Variants in SPEN observed in about 807,000 individuals in gnomAD.
SPEN encodes msx2-interacting protein.
In SPEN, 18 loss-of-function variants were observed where a neutral mutation model predicts 269.9. The ratio of observed to expected loss-of-function variants is 0.07; its 90% confidence interval spans 0.05 to 0.10. SPEN has a LOEUF of 0.10. SPEN is among the 10% of genes least tolerant of loss of function. The probability of loss-of-function intolerance (pLI) is 1.00; values close to 1 mark genes in which losing one functional copy is unlikely to be tolerated. For missense variants in SPEN, 3,822 were observed against 4,631.2 expected, an observed-to-expected ratio of 0.83 and a Z score of 5.07; for synonymous variants, 1,726 against 1,765.7, an observed-to-expected ratio of 0.98 and a Z score of 0.56.
intron 3 of SPEN, among the ~76,000 whole-genome samples, chr1:15,889,753 G>A (rs2070771805): frequency 6.6e-6 from 1 of 151,392 alleles, no homozygotes; most frequent in Non-Finnish European, 1.5e-5. Flanking sequence ...TCACTCTGTT[G>A]CCCAGGCTGA....
intron 1 of SPEN, among the ~76,000 whole-genome samples, chr1:15,872,163 G>A (rs2070583504): frequency 6.7e-6 from 1 of 150,084 alleles, no homozygotes; most frequent in Non-Finnish European, 1.5e-5. Context: ...ACTTGAACCT[G>A]GGAGTTGGAG....
In SPEN at chr1:15,933,584, C is replaced by T; in HGVS notation, c.7344C>T (p.Phe2448=). The change falls in exon 11 of 15, where the codon TTC becomes TTT. Residue 2448 remains phenylalanine, a synonymous_variant. Coordinates refer to ENST00000375759, the MANE Select transcript of SPEN (RefSeq NM_015001.3). This position sits in a 1 kb window ranked among gnomAD's most constrained non-coding sequence, Gnocchi z 5.7. ...APVDEEPQAR[F]RVHSIIESDP... is the part of the protein sequence containing the mutation. Reference sequence around the variant, plus strand: ...TGGATGAGGAGCCTCAAGCCAGGTTCAGGGTGCATTCCATCATTGAAAGTG... The same window carrying T: ...TGGATGAGGAGCCTCAAGCCAGGTTTAGGGTGCATTCCATCATTGAAAGTG... The T allele has an allele frequency of 1.2e-6, 2 of 1,614,050 alleles. No individual in the cohort carries two copies. The highest frequency in any genetic ancestry group is 2.2e-5 in the South Asian group (2 of 91,078).
chr1:15,925,022 GAA>G (rs1205464859), intron 10 of SPEN, among the ~76,000 whole-genome samples: 1 of 151,784 alleles, frequency 6.6e-6, no homozygotes, highest in Non-Finnish European at 1.5e-5. Flanking sequence ...ATGCATGAAT[GAA>G]AAAAAATGCT....
At chr1:15,879,030 GAAAAGAAAA>G (rs1431073386) in intron 3 of SPEN, among the ~76,000 whole-genome samples, 14 of 142,222 alleles carry the variant, frequency 9.8e-5, no homozygotes, top group African/African-American at 3.4e-4. Context: ...AAAAAGAAAA[GAAAAGAAAA>G]AAAAGAAAAA....
chr1:15,873,866 A>G, intron 2 of SPEN: 5 of 1,082,668 alleles, frequency 4.6e-6, no homozygotes, highest in Non-Finnish European at 5.6e-6. Context: ...TGCTGTCAAG[A>G]TTCCACTAGC....
At chr1:15,904,452 CAAAAAAA>C (rs1215369183) in intron 3 of SPEN, among the ~76,000 whole-genome samples, 11,519 of 48,742 alleles carry the variant, frequency 0.24, 957 homozygotes, top group African/African-American at 0.33. Flanking sequence ...AACTCCATCT[CAAAAAAA>C]AAAAAAAAAA....
At position 15,927,212 on chromosome 1, in the gene SPEN, G is replaced by A. The variant is rs75739724; in HGVS notation, c.1851-879G>A. Among the ~76,000 whole-genome samples, 88 of 152,288 alleles carry A rather than the reference G, an allele frequency of 5.8e-4. 1 individual carries two copies. In the East Asian group the frequency reaches 0.017, roughly 29 times the overall value. ...AGGTCCCTGTGGGAGAAAACCTGTG[G>A]TGAGTTCCTTAAAACTGGAGGAGTT... On this transcript the variant is annotated intron_variant, in intron 10 of 14. Transcript: ENST00000375759.
Position 15,920,928 on chromosome 1 carries a change from C to T in SPEN, c.1694C>T (p.Ala565Val), listed in dbSNP as rs1157570058. The T allele has an allele frequency of 6.2e-7, 1 of 1,612,870 alleles. No homozygotes were observed. The highest frequency in any genetic ancestry group is 8.5e-7 in the Non-Finnish European group (1 of 1,179,554). The change falls in exon 9 of 15, where the codon GCA (alanine) becomes GTA (valine). Residue 565 changes from alanine to valine, a missense_variant. Coordinates refer to ENST00000375759, the MANE Select transcript of SPEN (RefSeq NM_015001.3). ...ALVLYNEIEY[A>V]QAAVKETKGR... is the part of the protein sequence containing the mutation. ...GTTCTCTACAATGAAATTGAATATG[C>T]ACAAGCAGCTGTAAAAGAGACCAAA... is the stretch of plus-strand genomic sequence containing the variant.
chr1:15,935,838 C>T lies in SPEN; in HGVS notation c.9598C>T (p.His3200Tyr), dbSNP rs1397608934. The stretch of plus-strand genomic sequence containing the variant: ...GCCACGGGATGTGAGGATCATGGTG[C>T]ATCCACATGTGACGGCAGTCAGCGA... ...TVPRDVRIMV[H>Y]PHVTAVSEQP... Residue 3200 changes from histidine (H) to tyrosine (Y), a missense_variant, in exon 11 of 15, where the codon CAT becomes TAT. By Grantham distance (83) the His-to-Tyr change is moderately conservative. Coordinates refer to ENST00000375759, the MANE Select transcript of SPEN (RefSeq NM_015001.3). The surrounding 1 kb of genome is among the most constrained non-coding windows in gnomAD (Gnocchi z 7.7). 1 of 1,613,860 alleles carries T rather than the reference C, an allele frequency of 6.2e-7. No homozygotes were observed.
At chr1:15,851,172 A>C (rs74054873) in intron 1 of SPEN, among the ~76,000 whole-genome samples, 1,748 of 152,222 alleles carry the variant, frequency 0.011, 27 homozygotes, top group African/African-American at 0.039. Context: ...TTTGTTTTTA[A>C]ATGGACAGTA....
Position 15,851,127 on chromosome 1 carries a change from T to C in SPEN, c.83+2977T>C, listed in dbSNP as rs1022720733. Reference sequence around the variant, plus strand: ...TTCTTTAAAAATTTTTATATTTATTTTTAAATTTACATTCTGATTAGTTTT... The same window carrying C: ...TTCTTTAAAAATTTTTATATTTATTCTTAAATTTACATTCTGATTAGTTTT... On this transcript the variant is annotated intron_variant, in intron 1 of 14. Transcript: ENST00000375759. Among the ~76,000 whole-genome samples, 48 of 152,322 alleles carry C rather than the reference T, an allele frequency of 3.2e-4. 2 individuals carry two copies. Among genetic ancestry groups the C allele is most frequent in the Admixed American group, 3.1e-3 (48 of 15,284 alleles).
In SPEN at chr1:15,855,990, C is replaced by CCTTTTTTTTTTTTTTTTTTTTTTTT. The variant is rs370972899; in HGVS notation, c.83+7840_83+7841insCTTTTTTTTTTTTTTTTTTTTTTTT. On this transcript the variant is annotated intron_variant, in intron 1 of 14. Coordinates refer to ENST00000375759, the MANE Select transcript of SPEN (RefSeq NM_015001.3). ...TTATTGTGTGAAAAGGATGCTAGAA[C>CCTTTTTTTTTTTTTTTTTTTTTTTT]TTTTTTTTTTTTTTTTTTTTGAGAC... Among the ~76,000 whole-genome samples, 12 of 28,220 alleles carry CCTTTTTTTTTTTTTTTTTTTTTTTT rather than the reference C, an allele frequency of 4.3e-4. 6 individuals are homozygous for CCTTTTTTTTTTTTTTTTTTTTTTTT. Among genetic ancestry groups the CCTTTTTTTTTTTTTTTTTTTTTTTT allele is most frequent in the Non-Finnish European group, 6.3e-4 (8 of 12,684 alleles). The allele number at this position is 28,220 out of a possible 152,430, so 18.5% of individuals were successfully genotyped here.
chr1:15,918,321 C>T (rs753034542), intron 6 of SPEN, among the ~76,000 whole-genome samples: 7 of 152,232 alleles, frequency 4.6e-5, no homozygotes, highest in Non-Finnish European at 1.0e-4. Context: ...CGGGTTCAAG[C>T]GATTCTCTTG....
chr1:15,882,896 C>T (rs1244931663), intron 3 of SPEN, among the ~76,000 whole-genome samples: 1 of 152,128 alleles, frequency 6.6e-6, no homozygotes, highest in East Asian at 1.9e-4. Flanking sequence ...CACAGCCCCC[C>T]TGGGGCTCTT....
At chr1:15,900,766 C>T (rs1181419875) in intron 3 of SPEN, among the ~76,000 whole-genome samples, 1 of 152,134 alleles carries the variant, frequency 6.6e-6, no homozygotes, top group East Asian at 1.9e-4. Flanking sequence ...AGAAATAATA[C>T]AGGCCAGGGT....
chr1:15,891,352 ATT>A (rs34925405), intron 3 of SPEN, among the ~76,000 whole-genome samples: 14 of 138,798 alleles, frequency 1.0e-4, no homozygotes, highest in Admixed American at 1.5e-4. Flanking sequence ...ACTTAGCTAA[ATT>A]TTTTTTTTTT....
At chr1:15,896,925 A>G (rs1046213807) in intron 3 of SPEN, among the ~76,000 whole-genome samples, 1 of 152,036 alleles carries the variant, frequency 6.6e-6, no homozygotes, top group Non-Finnish European at 1.5e-5. Context: ...CCATGAGTGC[A>G]CCTCTGCACT....
chr1:15,848,587 G>A lies in SPEN; in HGVS notation c.83+437G>A, dbSNP rs1013375403. ...CGGCGCCGCCACTCCAAGCTGCTCT[G>A]CGGGCGCTCGGCAATGTCTGACTTC... On this transcript the variant is annotated intron_variant, in intron 1 of 14. Coordinates refer to ENST00000375759, the MANE Select transcript of SPEN (RefSeq NM_015001.3). This position sits in a 1 kb window ranked among gnomAD's most constrained non-coding sequence, Gnocchi z 5.1. 6.0e-5 allele frequency among the ~76,000 whole-genome samples: 9 copies of A among 151,088 alleles called. No individual in the cohort carries two copies. Among genetic ancestry groups the A allele is most frequent in the African/African-American group, 9.7e-5 (4 of 41,388 alleles).
chr1:15,932,504 C>G lies in SPEN; in HGVS notation c.6264C>G (p.Asp2088Glu). The change falls in exon 11 of 15, where the codon GAC becomes GAG. Residue 2088 changes from aspartate (D) to glutamate (E), a missense_variant. By Grantham distance (45) the Asp-to-Glu change is conservative (BLOSUM62 2). Coordinates refer to ENST00000375759, the MANE Select transcript of SPEN (RefSeq NM_015001.3). This position sits in a 1 kb window ranked among gnomAD's most constrained non-coding sequence, Gnocchi z 4.2. ...CTCGAAACTCCAGGTTAGCAGTGGA[C>G]AAATCTGCAAGTCTGAAAAATGTGG... is the stretch of plus-strand genomic sequence containing the variant. ...GRSRNSRLAV[D>E]KSASLKNVDA... The G allele has an allele frequency of 3.1e-6, 5 of 1,605,040 alleles. No individual in the cohort carries two copies. The highest frequency in any genetic ancestry group is 4.3e-6 in the Non-Finnish European group (5 of 1,174,728).
Sources: allele counts gnomAD v4.1 joint callset (sites outside exome capture counted in the v4.1 genomes callset), GRCh38; gene constraint gnomAD v4.1.1; non-coding constraint Gnocchi (gnomAD v3.1); transcripts MANE v1.5; gene names NCBI Gene and HGNC (gene_info 2026-07-23, HGNC 2026-07-21).